The following ESR1 variants were observed in gnomAD, a reference collection of about 807,000 sequenced individuals.
ESR1 encodes estrogen receptor 1, also known as estrogen receptor.
Under a neutral mutation model 52.7 loss-of-function variants are expected in ESR1, and 12 were observed. The observed-to-expected ratio is 0.23, with a 90% CI of 0.15 to 0.37. The LOEUF is 0.37. Among genes scored for constraint, ESR1 ranks in the 10% least tolerant of loss-of-function variants. The probability of loss-of-function intolerance (pLI) is 1.00; values close to 1 mark genes in which losing one functional copy is unlikely to be tolerated. For missense variants in ESR1, 584 were observed against 779.7 expected, an observed-to-expected ratio of 0.75 and a Z score of 2.99; for synonymous variants, 305 against 316.8, an observed-to-expected ratio of 0.96 and a Z score of 0.39.
At chr6:151,823,485 ATTATACT>A (rs954490468) in intron 1 of ESR1, among the ~76,000 whole-genome samples, 2 of 151,754 alleles carry the variant, frequency 1.3e-5, no homozygotes, top group African/African-American at 4.8e-5. Context: ...TTTTTTTCTA[ATTATACT>A]TTAAATTCTA....
chr6:151,695,934 T>G (rs535746370), intron 1 of ESR1, among the ~76,000 whole-genome samples: 66 of 152,326 alleles, frequency 4.3e-4, no homozygotes, highest in African/African-American at 1.5e-3. Context: ...AATTCCTTAT[T>G]GGGAAATTCC....
At chr6:151,786,595 G>T (rs1371138282) in intron 2 of ESR1, among the ~76,000 whole-genome samples, 1 of 151,860 alleles carries the variant, frequency 6.6e-6, no homozygotes, top group Non-Finnish European at 1.5e-5. Flanking sequence ...TTTAGACAAG[G>T]GTAAAAACTG....
chr6:151,768,716 T>C (rs965460916), intron 2 of ESR1, among the ~76,000 whole-genome samples: 1 of 152,148 alleles, frequency 6.6e-6, no homozygotes, highest in East Asian at 1.9e-4. Flanking sequence ...ATAAAGCAAG[T>C]GTGATAAAAT....
intron 1 of ESR1, among the ~76,000 whole-genome samples, chr6:151,661,278 C>T (rs866457): frequency 0.55 from 82,960 of 151,974 alleles, 23,705 homozygotes; most frequent in East Asian, 0.78. Flanking sequence ...ATTTTGATAT[C>T]CAGGAGATGA....
exon 7 of ESR1, chr6:152,128,471 G>A (rs1198480285): frequency 6.6e-6 from 1 of 152,204 alleles, no homozygotes; most frequent in Non-Finnish European, 1.5e-5. Context: ...CAATTCATAT[G>A]TAGGTTTAAA....
At chr6:151,917,342 T>A (rs1190983060) in intron 3 of ESR1, among the ~76,000 whole-genome samples, 2 of 152,200 alleles carry the variant, frequency 1.3e-5, no homozygotes, top group African/African-American at 4.8e-5. Flanking sequence ...GATTCATCAC[T>A]GAGATATTAC....
chr6:151,930,233 C>T (rs2033392165), intron 3 of ESR1, among the ~76,000 whole-genome samples: 1 of 152,150 alleles, frequency 6.6e-6, no homozygotes. Flanking sequence ...GATCCACCGG[C>T]CTCTGCCTCC....
intron 2 of ESR1, among the ~76,000 whole-genome samples, chr6:151,789,232 T>A (rs1051606488): frequency 1.1e-4 from 16 of 152,224 alleles, no homozygotes; most frequent in African/African-American, 3.4e-4. Context: ...AAGGAAAATT[T>A]TTTTATTGAG....
chr6:151,844,923 AT>A (rs1254712940), intron 2 of ESR1, among the ~76,000 whole-genome samples: 10 of 152,216 alleles, frequency 6.6e-5, no homozygotes, highest in Non-Finnish European at 7.3e-5. Flanking sequence ...GTAAGTCAGT[AT>A]TGATAAAGTG....
intron 5 of ESR1, among the ~76,000 whole-genome samples, chr6:152,056,515 G>A (rs1014446168): frequency 2.6e-5 from 4 of 152,126 alleles, no homozygotes; most frequent in South Asian, 2.1e-4. Flanking sequence ...GTACACCCTC[G>A]TTAGAGCTCT....
intron 2 of ESR1, among the ~76,000 whole-genome samples, chr6:151,709,339 T>C (rs758539561): frequency 2.0e-5 from 3 of 152,248 alleles, no homozygotes; most frequent in Admixed American, 2.0e-4. Context: ...CTGAATGGTA[T>C]TCCACTGTGA....
At chr6:151,969,701 G>A (rs112581283) in intron 4 of ESR1, among the ~76,000 whole-genome samples, 2,814 of 152,276 alleles carry the variant, frequency 0.018, 85 homozygotes, top group African/African-American at 0.063. Flanking sequence ...AGCAGTGCGG[G>A]CAGCTTCGGC....
At chr6:151,992,814 G>A (rs1349365610) in intron 4 of ESR1, among the ~76,000 whole-genome samples, 1 of 152,152 alleles carries the variant, frequency 6.6e-6, no homozygotes, top group Non-Finnish European at 1.5e-5. Context: ...TGGTAGATAA[G>A]AGAAGCGGAT....
intron 2 of ESR1, among the ~76,000 whole-genome samples, chr6:151,769,860 G>T (rs1267138017): frequency 6.6e-6 from 1 of 152,048 alleles, no homozygotes; most frequent in African/African-American, 2.4e-5. Context: ...ATGGTATATG[G>T]AAGAGTTTTA....
chr6:152,098,931 A>AC lies in ESR1; in HGVS notation c.1754dup (p.Glu587GlyfsTer64). On this transcript the variant is annotated frameshift_variant, in exon 8 of 8. Coordinates refer to ENST00000206249, the MANE Select transcript of ESR1 (RefSeq NM_000125.4). LOFTEE classifies it high-confidence loss of function. This position sits in a 1 kb window ranked among gnomAD's most constrained non-coding sequence, Gnocchi z 5.1. The stretch of plus-strand genomic sequence containing the variant: ...GCATTCCTTGCAAAAGTATTACATC[A>AC]CGGGGGAGGCAGAGGGTTTCCCTGC... 1 of 1,614,070 alleles carries AC rather than the reference A, an allele frequency of 6.2e-7. No homozygotes were observed. The highest frequency in any genetic ancestry group is 8.5e-7 in the Non-Finnish European group (1 of 1,180,002).
At chr6:152,063,609 C>G (rs371848432) in intron 6 of ESR1, among the ~76,000 whole-genome samples, 1 of 152,150 alleles carries the variant, frequency 6.6e-6, no homozygotes, top group East Asian at 1.9e-4. Flanking sequence ...GTGGTCATAC[C>G]ACAATCAACA....
chr6:151,946,632 A>G (rs1183719535), intron 4 of ESR1, among the ~76,000 whole-genome samples: 1 of 152,202 alleles, frequency 6.6e-6, no homozygotes, highest in Non-Finnish European at 1.5e-5. Context: ...CCTTAGACCA[A>G]TAAACTATGT....
chr6:151,930,058 A>G (rs1008638697), intron 3 of ESR1, among the ~76,000 whole-genome samples: 1 of 150,312 alleles, frequency 6.7e-6, no homozygotes, highest in African/African-American at 2.5e-5. Flanking sequence ...ATCTTGGCTT[A>G]CCGCAACCTC....
intron 2 of ESR1, among the ~76,000 whole-genome samples, chr6:151,771,446 A>C (rs2128108284): frequency 6.6e-6 from 1 of 152,344 alleles, no homozygotes; most frequent in East Asian, 1.9e-4. Flanking sequence ...CTTCATGAGA[A>C]ATACGGCTGG....
Sources: allele counts gnomAD v4.1 joint callset (sites outside exome capture counted in the v4.1 genomes callset), GRCh38; gene constraint gnomAD v4.1.1; non-coding constraint Gnocchi (gnomAD v3.1); transcripts MANE v1.5; gene names NCBI Gene and HGNC (gene_info 2026-07-23, HGNC 2026-07-21).